Variants in NIPAL3 observed in about 807,000 individuals in gnomAD.
The protein encoded by NIPAL3 is NIPA-like protein 3.
Under a neutral mutation model 47.2 loss-of-function variants are expected in NIPAL3, and 41 were observed. That is an observed-to-expected ratio of 0.87 (90% CI 0.68 to 1.13). The LOEUF (loss-of-function observed/expected upper bound fraction) is 1.13. Ranked by LOEUF, NIPAL3 falls within the 50% of genes most tolerant of loss-of-function variation. The pLI is 0.00. For missense variants in NIPAL3, 449 were observed against 530.1 expected (o/e 0.85, Z 1.50); for synonymous variants, 194 against 209.6 (o/e 0.93, Z 0.64).
At chr1:24,463,917 C>A in intron 10 of NIPAL3, 109 bp from the exon 11 acceptor site, 3 of 891,126 alleles carry the variant, frequency 3.4e-6, no homozygotes, top group Non-Finnish European at 5.1e-6. Flanking sequence ...AGCCCTCCTC[C>A]GCAGCCTGCA....
Position 24,417,086 on chromosome 1 carries a change from T to C in NIPAL3, c.-258+1182T>C, listed in dbSNP as rs547832969. ...TTGAAGCTCTGGAGTTGTGGTTGAT[T>C]AGGCCTTAGAAAGGCATTCTTGACT... On this transcript the variant is annotated intron_variant, in intron 1 of 11. Transcript: ENST00000374399. 9.2e-5 allele frequency among the ~76,000 whole-genome samples: 14 copies of C among 152,290 alleles called. No individual in the cohort carries two copies. In the East Asian group the frequency reaches 2.7e-3, roughly 29 times the overall value.
At chr1:24,455,997 T>A in intron 7 of NIPAL3, 141 bp from the exon 8 acceptor site, 2 of 948,118 alleles carry the variant, frequency 2.1e-6, no homozygotes, top group Non-Finnish European at 3.3e-6. Flanking sequence ...CGTCTGTCAC[T>A]GTGCAAACTG....
intron 2 of NIPAL3, among the ~76,000 whole-genome samples, chr1:24,433,740 T>G (rs1644980588): frequency 6.6e-6 from 1 of 152,222 alleles, no homozygotes; most frequent in Admixed American, 6.5e-5. Context: ...GGCAGAATTC[T>G]GTCTACCCAT....
At chr1:24,466,166 C>A in intron 11 of NIPAL3, 1 of 1,428,434 alleles carries the variant, frequency 7.0e-7, no homozygotes, top group Non-Finnish European at 9.6e-7. Flanking sequence ...TAGCCTGGCA[C>A]TCTCAGCCAG....
intron 1 of NIPAL3, among the ~76,000 whole-genome samples, chr1:24,417,982 G>T (rs1327330287): frequency 1.3e-5 from 2 of 152,164 alleles, no homozygotes; most frequent in Admixed American, 6.5e-5. Context: ...AAACAGGAGA[G>T]AATAAAATTA....
At chr1:24,428,258 A>AAGAGAGAG (rs56082168) in intron 2 of NIPAL3, among the ~76,000 whole-genome samples, 12,943 of 118,744 alleles carry the variant, frequency 0.11, 953 homozygotes, top group Non-Finnish European at 0.15. Context: ...CTCAAAAAGA[A>AAGAGAGAG]AGAGAGAGAG....
At chr1:24,443,666 G>C (rs949709005) in intron 4 of NIPAL3, among the ~76,000 whole-genome samples, 2 of 152,176 alleles carry the variant, frequency 1.3e-5, no homozygotes, top group Non-Finnish European at 2.9e-5. Context: ...TCCTAACCAG[G>C]GTTGCTGAAC....
At chr1:24,467,948 A>G (rs1415624334) in intron 11 of NIPAL3, among the ~76,000 whole-genome samples, 1 of 152,122 alleles carries the variant, frequency 6.6e-6, no homozygotes, top group Non-Finnish European at 1.5e-5. Flanking sequence ...ATTGCATTCA[A>G]TTTCTTATGA....
chr1:24,428,958 A>T (rs1644757511), intron 2 of NIPAL3, among the ~76,000 whole-genome samples: 1 of 152,136 alleles, frequency 6.6e-6, no homozygotes, highest in Admixed American at 6.5e-5. Context: ...GAGTTAACAC[A>T]TTCTCAGGCT....
intron 2 of NIPAL3, among the ~76,000 whole-genome samples, chr1:24,428,045 G>T (rs1031694576): frequency 1.3e-5 from 2 of 152,106 alleles, no homozygotes; most frequent in Non-Finnish European, 2.9e-5. Flanking sequence ...TTCGAGACCA[G>T]CCTGGGCAAC....
At position 24,438,473 on chromosome 1, in the gene NIPAL3, C is replaced by T. The variant is rs187086526; in HGVS notation, c.94-1699C>T. On this transcript the variant is annotated intron_variant, in intron 2 of 11. Coordinates refer to ENST00000374399, the MANE Select transcript of NIPAL3 (RefSeq NM_020448.5). ...TCCCTCTCGGTCCTCCTGCCCTCTC[C>T]CGTCCCTGGCCAACTGCCCCTTCTC... Among the ~76,000 whole-genome samples the T allele has an allele frequency of 7.5e-3, 1,147 of 152,328 alleles. 10 individuals are homozygous for T. The highest frequency in any genetic ancestry group is 0.022 in the African/African-American group (914 of 41,566).
chr1:24,424,893 C>T (rs908403599), intron 2 of NIPAL3, among the ~76,000 whole-genome samples: 1 of 152,158 alleles, frequency 6.6e-6, no homozygotes, highest in Admixed American at 6.5e-5. Context: ...TCATCTCTTA[C>T]CTTTGGGAGG....
In NIPAL3 at chr1:24,449,965, A is replaced by C. The variant is rs1442948277; in HGVS notation, c.540+339A>C. The stretch of plus-strand genomic sequence containing the variant: ...TGCATACATGTGTTTCTCAAATGAC[A>C]TGTATGAGAATGTTCACAGCAACAT... On this transcript the variant is annotated intron_variant, in intron 6 of 11. Coordinates refer to ENST00000374399, the MANE Select transcript of NIPAL3 (RefSeq NM_020448.5). This position sits in a 1 kb window ranked among gnomAD's most constrained non-coding sequence, Gnocchi z 4.5. Among the ~76,000 whole-genome samples the C allele has an allele frequency of 6.6e-6, 1 of 152,184 alleles. No individual in the cohort carries two copies. Among genetic ancestry groups the C allele is most frequent in the Admixed American group, 6.5e-5 (1 of 15,284 alleles).
At chr1:24,463,376 A>G (rs1458092897) in intron 10 of NIPAL3, among the ~76,000 whole-genome samples, 2 of 152,200 alleles carry the variant, frequency 1.3e-5, no homozygotes, top group Admixed American at 6.5e-5. Context: ...TGAAATGGAA[A>G]GGGGCCCAGG....
rs533783754 is a variant in NIPAL3, at chr1:24,416,467, G to T, written c.-258+563G>T. The T allele has an allele frequency of 2.8e-4, 99 of 359,398 alleles. No individual in the cohort carries two copies. The highest frequency in any genetic ancestry group is 2.1e-3 in the African/African-American group (93 of 45,306). The allele number at this position is 359,398 out of a possible 1,614,324, so 22.3% of individuals were successfully genotyped here. On this transcript the variant is annotated intron_variant, in intron 1 of 11. Coordinates refer to ENST00000374399, the MANE Select transcript of NIPAL3 (RefSeq NM_020448.5). This position sits in a 1 kb window ranked among gnomAD's most constrained non-coding sequence, Gnocchi z 4.8. ...GATTTGTTCAGAAAGAGGCAAATTC[G>T]AATACAGACGCTATGAGCCACGGCT...
At chr1:24,453,319 ACT>A in intron 6 of NIPAL3, 87 bp from the exon 7 acceptor site, 1 of 812,978 alleles carries the variant, frequency 1.2e-6, no homozygotes, top group Non-Finnish European at 2.1e-6. Flanking sequence ...CAACCCTGTG[ACT>A]CTGGTGATGG....
In NIPAL3 at chr1:24,456,351, T is replaced by C. The variant is rs927718653; in HGVS notation, c.773+78T>C. 9 of 1,589,588 alleles carry C rather than the reference T, an allele frequency of 5.7e-6. No homozygotes were observed. The African/African-American group carries it at 1.1e-4, about 19-fold the overall frequency. The stretch of plus-strand genomic sequence containing the variant: ...TTTGGGGGCCTGATGACGTATGCTG[T>C]GAAGCCACAAGGAGGCCAGAACATG... On this transcript the variant is annotated intron_variant, in intron 8 of 11. Coordinates refer to ENST00000374399, the MANE Select transcript of NIPAL3 (RefSeq NM_020448.5).
chr1:24,456,044 T>C lies in NIPAL3; in HGVS notation c.638-94T>C, dbSNP rs1646183619. On this transcript the variant is annotated intron_variant, in intron 7 of 11. Coordinates refer to ENST00000374399, the MANE Select transcript of NIPAL3 (RefSeq NM_020448.5). ...CTGTTCCTGTTCCCTCCCCTCTGTC[T>C]CCCCAAGTCCTTTGGGGTTATAGAC... The C allele has an allele frequency of 2.8e-6, 4 of 1,438,618 alleles. No homozygotes were observed. In the Admixed American group the frequency reaches 7.4e-5, roughly 26 times the overall value. 89.1% of individuals were successfully genotyped at this position (1,438,618 alleles called of 1,614,324 possible). A position where few individuals can be genotyped will look rare whatever the true frequency, so the allele number is the denominator to read the frequency against.
chr1:24,437,111 G>A (rs574292754), intron 2 of NIPAL3, among the ~76,000 whole-genome samples: 2 of 152,084 alleles, frequency 1.3e-5, no homozygotes, highest in South Asian at 4.2e-4. Flanking sequence ...TAATAGCCGG[G>A]CGAGGTGGCG....
Sources: gnomAD v4.1 joint callset for allele counts (sites outside exome capture counted in the v4.1 genomes callset) on GRCh38, gnomAD v4.1.1 for gene constraint, Gnocchi (gnomAD v3.1) non-coding constraint, MANE v1.5 for transcripts, NCBI Gene and HGNC (gene_info 2026-07-23, HGNC 2026-07-21) for gene names.